The following PTPRM variants were observed in gnomAD, a reference collection of about 807,000 sequenced individuals.
PTPRM encodes the protein protein tyrosine phosphatase receptor type M.
Under a neutral mutation model 186.7 loss-of-function variants are expected in PTPRM, and 47 were observed. The observed-to-expected ratio is 0.25, with a 90% CI of 0.20 to 0.32. PTPRM has a LOEUF of 0.32. Ranked by LOEUF, PTPRM falls within the 10% of genes least tolerant of loss-of-function variation. The pLI is 1.00. For synonymous variants in PTPRM, 668 were observed against 674.9 expected (o/e 0.99, Z 0.16); for missense variants, 1,494 against 1,865.0 (o/e 0.80, Z 3.66).
chr18:8,126,373 A>C (rs1177170510), intron 13 of PTPRM, among the ~76,000 whole-genome samples: 2 of 151,940 alleles, frequency 1.3e-5, no homozygotes, highest in East Asian at 1.9e-4. Flanking sequence ...TATATATATA[A>C]ATTTAATAAG....
At chr18:8,309,202 C>T (rs1345016872) in intron 20 of PTPRM, among the ~76,000 whole-genome samples, 1 of 152,116 alleles carries the variant, frequency 6.6e-6, no homozygotes, top group East Asian at 1.9e-4. Context: ...GGTCATAGGT[C>T]GTGGATGTCT....
chr18:8,172,565 G>C (rs2093418832), intron 14 of PTPRM, among the ~76,000 whole-genome samples: 1 of 151,972 alleles, frequency 6.6e-6, no homozygotes, highest in East Asian at 1.9e-4. Flanking sequence ...ATCTATACAA[G>C]TTCCCCCAGT....
chr18:7,906,577 C>A lies in PTPRM; in HGVS notation c.541C>A (p.Pro181Thr). The change falls in exon 4 of 33, where the codon CCA becomes ACA. Residue 181 changes from proline (P) to threonine (T), a missense_variant. By Grantham distance (38) the Pro-to-Thr change is conservative (BLOSUM62 -1). Around this residue, in one of 3 missense-constraint regions of PTPRM, gnomAD observed 296 missense variants for 345.5 expected, o/e 0.86. Coordinates refer to ENST00000580170, the MANE Select transcript of PTPRM (RefSeq NM_001105244.2). ...AIDEVKVLGH[P>T]CTRTPHFLRI... ...CGATGAGGTGAAGGTGTTAGGACAT[C>A]CATGTAGTAAGTTGTCTTTATTTGT... 2 of 1,608,174 alleles carry A rather than the reference C, an allele frequency of 1.2e-6. No homozygotes were observed. The highest frequency in any genetic ancestry group is 1.7e-6 in the Non-Finnish European group (2 of 1,174,596).
At chr18:8,324,846 A>T (rs1308689319) in intron 22 of PTPRM, among the ~76,000 whole-genome samples, 2 of 152,212 alleles carry the variant, frequency 1.3e-5, no homozygotes, top group African/African-American at 4.8e-5. Context: ...TCCAGCATCA[A>T]GGCTCCTCCC....
rs1271619039 is a variant in PTPRM at position 8,372,233 on chromosome 18, G to A, written c.3171+1227G>A. Among the ~76,000 whole-genome samples the A allele has an allele frequency of 4.8e-5, 7 of 146,512 alleles. No homozygotes were observed. In the South Asian group the frequency reaches 1.1e-3, roughly 23 times the overall value. On this transcript the variant is annotated intron_variant, in intron 24 of 32. Coordinates refer to ENST00000580170, the MANE Select transcript of PTPRM (RefSeq NM_001105244.2). ...ACTACAGGCGCCCGCCACCGCGCCCGGCTAATTTTTTGTATTTTTTTTAGT... is the reference window on the plus strand; with the variant it reads ...ACTACAGGCGCCCGCCACCGCGCCCAGCTAATTTTTTGTATTTTTTTTAGT...
intron 19 of PTPRM, among the ~76,000 whole-genome samples, chr18:8,281,998 GAC>G (rs1482796887): frequency 1.3e-5 from 2 of 152,036 alleles, no homozygotes; most frequent in Non-Finnish European, 2.9e-5. Context: ...AGGATGAAAA[GAC>G]AAGCTGAAGA....
chr18:7,731,396 G>T (rs1277284976), intron 1 of PTPRM, among the ~76,000 whole-genome samples: 1 of 152,274 alleles, frequency 6.6e-6, no homozygotes, highest in East Asian at 1.9e-4. Flanking sequence ...AAATAAGCTT[G>T]GTTGGTATTG....
chr18:8,211,050 C>T (rs1214662351), intron 14 of PTPRM, among the ~76,000 whole-genome samples: 1 of 152,146 alleles, frequency 6.6e-6, no homozygotes. Flanking sequence ...CCACACTCAT[C>T]GATTCAGATA....
chr18:8,129,956 C>T (rs2092462449), intron 13 of PTPRM, among the ~76,000 whole-genome samples: 1 of 152,116 alleles, frequency 6.6e-6, no homozygotes, highest in Admixed American at 6.6e-5. Context: ...CCTCATTTGC[C>T]CTTTCAGCAA....
chr18:8,110,143 A>G (rs1375049743), intron 11 of PTPRM, among the ~76,000 whole-genome samples: 1 of 152,180 alleles, frequency 6.6e-6, no homozygotes, highest in African/African-American at 2.4e-5. Flanking sequence ...GCTTTCAGAA[A>G]TATGTACTTC....
intron 1 of PTPRM, among the ~76,000 whole-genome samples, chr18:7,700,321 G>C (rs2039933558): frequency 6.6e-6 from 1 of 152,118 alleles, no homozygotes; most frequent in African/African-American, 2.4e-5. Flanking sequence ...TTGTGTGCTG[G>C]GGGGTTTTAT....
In PTPRM at chr18:8,196,623, T is replaced by C. The variant is rs148972355; in HGVS notation, c.2301-47435T>C. Among the ~76,000 whole-genome samples, 533 of 152,346 alleles carry C rather than the reference T, an allele frequency of 3.5e-3. 1 individual carries two copies. Among genetic ancestry groups the C allele is most frequent in the African/African-American group, 0.012 (491 of 41,582 alleles). ...CTGGCTTTCAAATTATTTTTCAAAT[T>C]CAACACGAAGTCAGTTAAGGAAGAC... is the stretch of plus-strand genomic sequence containing the variant. On this transcript the variant is annotated intron_variant, in intron 14 of 32. Transcript: ENST00000580170.
chr18:8,293,604 G>T (rs1056365772), intron 19 of PTPRM, among the ~76,000 whole-genome samples: 1 of 152,202 alleles, frequency 6.6e-6, no homozygotes, highest in Non-Finnish European at 1.5e-5. Flanking sequence ...AATTAATCAT[G>T]ACAAACTCAA....
intron 2 of PTPRM, among the ~76,000 whole-genome samples, chr18:7,785,371 G>C (rs1023166298): frequency 6.6e-6 from 1 of 152,144 alleles, no homozygotes; most frequent in Non-Finnish European, 1.5e-5. Flanking sequence ...GTTCTTAGGA[G>C]ATTCATGCTG....
At chr18:8,400,679 T>G (rs779483630) in intron 32 of PTPRM, among the ~76,000 whole-genome samples, 6 of 152,060 alleles carry the variant, frequency 3.9e-5, no homozygotes, top group African/African-American at 4.8e-5. Flanking sequence ...CAGGTTCAGG[T>G]TGCCCCCTCT....
intron 7 of PTPRM, among the ~76,000 whole-genome samples, chr18:8,051,498 TTGCTC>T: frequency 6.6e-6 from 1 of 152,240 alleles, no homozygotes; most frequent in Non-Finnish European, 1.5e-5. Flanking sequence ...AATTTTTCCT[TTGCTC>T]TTCTCTTACA....
intron 1 of PTPRM, among the ~76,000 whole-genome samples, chr18:7,641,207 A>G (rs2038435352): frequency 6.6e-6 from 1 of 151,958 alleles, no homozygotes; most frequent in Non-Finnish European, 1.5e-5. Context: ...TTCTCCAGGG[A>G]CCTTGTCATC....
At chr18:7,651,217 C>T (rs1490302174) in intron 1 of PTPRM, among the ~76,000 whole-genome samples, 3 of 152,118 alleles carry the variant, frequency 2.0e-5, no homozygotes, top group Admixed American at 1.3e-4. Context: ...GCCACCGCGC[C>T]TGACCAAGAT....
intron 14 of PTPRM, among the ~76,000 whole-genome samples, chr18:8,215,261 C>T (rs1008843839): frequency 2.6e-5 from 4 of 152,068 alleles, no homozygotes; most frequent in Non-Finnish European, 5.9e-5. Context: ...ATTGTATAAA[C>T]ATATTTTAAA....
Sources: gnomAD v4.1 joint callset for allele counts (sites outside exome capture counted in the v4.1 genomes callset) on GRCh38, gnomAD v4.1.1 for gene constraint, gnomAD v4.1.1 regional missense constraint, MANE v1.5 for transcripts, NCBI Gene and HGNC (gene_info 2026-07-23, HGNC 2026-07-21) for gene names.